TAFA2: variants seen among roughly 807,000 people sequenced by gnomAD.
TAFA2 encodes the protein chemokine-like protein TAFA-2.
In TAFA2, 7 loss-of-function variants were observed where a neutral mutation model predicts 18.8. The ratio of observed to expected loss-of-function variants is 0.37; its 90% CI spans 0.21 to 0.70. The LOEUF (loss-of-function observed/expected upper bound fraction) is 0.70, where lower values mean the gene tolerates loss of function less well. Among genes scored for constraint, TAFA2 ranks in the 30% least tolerant of loss-of-function variants. TAFA2 has a pLI of 0.53. For synonymous variants in TAFA2, 60 were observed against 54.2 expected, an observed-to-expected ratio of 1.11 and a Z score of -0.47; for missense variants, 122 against 158.1, an observed-to-expected ratio of 0.77 and a Z score of 1.23.
At chr12:61,977,106 TA>T in intron 1 of TAFA2, among the ~76,000 whole-genome samples, 1 of 152,186 alleles carries the variant, frequency 6.6e-6, no homozygotes, top group African/African-American at 2.4e-5. Context: ...TGGGGTCATT[TA>T]AAAACTTTTC....
intron 1 of TAFA2, among the ~76,000 whole-genome samples, chr12:61,910,126 G>C (rs1360446354): frequency 6.8e-6 from 1 of 147,584 alleles, no homozygotes; most frequent in Non-Finnish European, 1.5e-5. Context: ...GTGTGTGTGT[G>C]TGTGTGTGTT....
chr12:61,803,520 TACA>T (rs1871480783), intron 2 of TAFA2, among the ~76,000 whole-genome samples: 2 of 151,932 alleles, frequency 1.3e-5, no homozygotes, highest in Admixed American at 6.6e-5. Flanking sequence ...AGCAATATAC[TACA>T]ACAATAATTG....
intron 4 of TAFA2, among the ~76,000 whole-genome samples, chr12:61,737,504 A>G (rs1223704238): frequency 6.6e-6 from 1 of 151,814 alleles, no homozygotes; most frequent in Non-Finnish European, 1.5e-5. Context: ...CATAGTGGTT[A>G]AGAGCATGGG....
chr12:62,142,604 A>T (rs1565758455), intron 1 of TAFA2, among the ~76,000 whole-genome samples: 1 of 152,182 alleles, frequency 6.6e-6, no homozygotes, highest in African/African-American at 2.4e-5. Flanking sequence ...CACTTAGAGG[A>T]GAGAGTAGGA....
At chr12:62,224,728 G>A (rs1433516131) in intron 1 of TAFA2, among the ~76,000 whole-genome samples, 2 of 151,996 alleles carry the variant, frequency 1.3e-5, no homozygotes, top group Non-Finnish European at 2.9e-5. Flanking sequence ...TTGTTTAATG[G>A]GTTCAGACTT....
chr12:62,131,146 A>G (rs1870666739), intron 1 of TAFA2, among the ~76,000 whole-genome samples: 1 of 151,988 alleles, frequency 6.6e-6, no homozygotes, highest in Admixed American at 6.6e-5. Flanking sequence ...GCAAAAACAT[A>G]CATGGCAGTT....
chr12:61,754,793 T>C, intron 3 of TAFA2, 79 bp downstream of exon 3: 3 of 1,430,788 alleles, frequency 2.1e-6, no homozygotes, highest in Non-Finnish European at 2.9e-6. Context: ...TGACCTCCCA[T>C]TGAGAGCATT....
chr12:62,049,396 A>C (rs1881991586), intron 1 of TAFA2, among the ~76,000 whole-genome samples: 1 of 152,164 alleles, frequency 6.6e-6, no homozygotes, highest in Non-Finnish European at 1.5e-5. Context: ...ATTAGCAGAC[A>C]ATTGGAATTA....
chr12:61,797,853 A>G (rs1280571201), intron 2 of TAFA2, among the ~76,000 whole-genome samples: 2 of 152,210 alleles, frequency 1.3e-5, no homozygotes, highest in Non-Finnish European at 2.9e-5. Context: ...CTGTCAGTCT[A>G]TATTAGACTT....
intron 2 of TAFA2, among the ~76,000 whole-genome samples, chr12:61,801,141 T>A (rs1303954537): frequency 6.6e-6 from 1 of 152,042 alleles, no homozygotes. Flanking sequence ...AAATAGAAGA[T>A]ATCCCATGTT....
At chr12:62,101,511 T>A (rs1416743400) in intron 1 of TAFA2, among the ~76,000 whole-genome samples, 1 of 152,132 alleles carries the variant, frequency 6.6e-6, no homozygotes, top group Non-Finnish European at 1.5e-5. Context: ...CAAACGTAAC[T>A]CTTATTCAGA....
At chr12:61,979,915 C>A (rs987760229) in intron 1 of TAFA2, among the ~76,000 whole-genome samples, 2 of 152,088 alleles carry the variant, frequency 1.3e-5, no homozygotes, top group Non-Finnish European at 2.9e-5. Context: ...TAACCACCCT[C>A]TTTGTCCCTC....
chr12:61,980,710 G>C (rs1879602540), intron 1 of TAFA2, among the ~76,000 whole-genome samples: 1 of 152,120 alleles, frequency 6.6e-6, no homozygotes, highest in South Asian at 2.1e-4. Context: ...ATTCACAATT[G>C]CTACAAAGAG....
intron 1 of TAFA2, among the ~76,000 whole-genome samples, chr12:62,073,971 T>C (rs1882697805): frequency 6.6e-6 from 1 of 152,228 alleles, no homozygotes; most frequent in Non-Finnish European, 1.5e-5. Flanking sequence ...TAGTATACAA[T>C]ACAAATGTTT....
intron 1 of TAFA2, among the ~76,000 whole-genome samples, chr12:61,978,972 G>C (rs988313199): frequency 6.6e-6 from 1 of 152,024 alleles, no homozygotes; most frequent in Non-Finnish European, 1.5e-5. Context: ...GAAAACCCAA[G>C]AGCCTAGTTC....
At chr12:62,037,933 T>C (rs1330656672) in intron 1 of TAFA2, among the ~76,000 whole-genome samples, 1 of 152,202 alleles carries the variant, frequency 6.6e-6, no homozygotes, top group East Asian at 1.9e-4. Flanking sequence ...CAATAAATTT[T>C]AGAAAAATAA....
chr12:61,846,439 C>A (rs1018398792), intron 2 of TAFA2, among the ~76,000 whole-genome samples: 3 of 152,076 alleles, frequency 2.0e-5, no homozygotes, highest in African/African-American at 7.2e-5. Flanking sequence ...TCTAGTACTT[C>A]TACCAAAGTG....
intron 1 of TAFA2, among the ~76,000 whole-genome samples, chr12:62,008,753 A>G (rs1880638093): frequency 6.6e-6 from 1 of 152,178 alleles, no homozygotes; most frequent in African/African-American, 2.4e-5. Context: ...AGGATTACAC[A>G]CAAGAAAGAT....
intron 1 of TAFA2, among the ~76,000 whole-genome samples, chr12:62,238,523 C>A (rs1004169700): frequency 5.9e-5 from 9 of 152,124 alleles, no homozygotes; most frequent in African/African-American, 2.2e-4. Flanking sequence ...CTATTATGTT[C>A]CTATTTTACA....
Sources: allele counts gnomAD v4.1 joint callset (sites outside exome capture counted in the v4.1 genomes callset), GRCh38; gene constraint gnomAD v4.1.1; transcripts MANE v1.5; gene names NCBI Gene and HGNC (gene_info 2026-07-23, HGNC 2026-07-21).